ASAP3: variants seen among roughly 807,000 people sequenced by gnomAD.
ASAP3 encodes the protein ArfGAP with SH3 domain, ankyrin repeat and PH domain 3, also known as arf-GAP with SH3 domain, ANK repeat and PH domain-containing protein 3.
Under a neutral mutation model 118.2 loss-of-function variants are expected in ASAP3, and 85 were observed. That is an observed-to-expected ratio of 0.72 (90% CI 0.60 to 0.86). The LOEUF (loss-of-function observed/expected upper bound fraction) is 0.86. Ranked by LOEUF, ASAP3 falls within the 40% of genes least tolerant of loss-of-function variation. The probability of loss-of-function intolerance (pLI) is 0.00; values close to 1 mark genes in which losing one functional copy is unlikely to be tolerated. For missense variants in ASAP3, 1,026 were observed against 1,175.0 expected (o/e 0.87, Z 1.85); for synonymous variants, 432 against 477.4 (o/e 0.90, Z 1.24).
chr1:23,477,526 G>A (rs1254178538), intron 1 of ASAP3, among the ~76,000 whole-genome samples: 1 of 152,084 alleles, frequency 6.6e-6, no homozygotes, highest in East Asian at 1.9e-4. Flanking sequence ...GGGACATGAG[G>A]ATCTAGGCTA....
intron 1 of ASAP3, among the ~76,000 whole-genome samples, chr1:23,468,254 AC>A (rs1641840330): frequency 6.6e-6 from 1 of 152,228 alleles, no homozygotes; most frequent in Non-Finnish European, 1.5e-5. Flanking sequence ...CTAGCAGGAC[AC>A]TGTGAAGCCA....
At chr1:23,463,792 G>T (rs182174009) in intron 1 of ASAP3, among the ~76,000 whole-genome samples, 4 of 152,110 alleles carry the variant, frequency 2.6e-5, no homozygotes, top group African/African-American at 9.6e-5. Flanking sequence ...TAGAGACGGG[G>T]TTTCACCATG....
At chr1:23,457,863 G>A (rs1160943638) in intron 1 of ASAP3, among the ~76,000 whole-genome samples, 1 of 152,186 alleles carries the variant, frequency 6.6e-6, no homozygotes, top group Non-Finnish European at 1.5e-5. Context: ...TGTAAAATGG[G>A]GAAATCGATG....
chr1:23,436,542 C>G lies in ASAP3; in HGVS notation c.1571+18G>C. Reference sequence around the variant, plus strand: ...AATCCCCTAGGCAGGGTGCCCCTCTCTCTGAGAATCCCCTTACATGTCACT... The same window carrying G: ...AATCCCCTAGGCAGGGTGCCCCTCTGTCTGAGAATCCCCTTACATGTCACT... On this transcript the variant is annotated intron_variant, in intron 16 of 24. Coordinates refer to ENST00000336689, the MANE Select transcript of ASAP3 (RefSeq NM_017707.4). This position sits in a 1 kb window ranked among gnomAD's most constrained non-coding sequence, Gnocchi z 4.2. 6.2e-7 allele frequency: 1 copy of G among 1,611,174 alleles called. No homozygotes were observed. Among genetic ancestry groups the G allele is most frequent in the South Asian group, 1.1e-5 (1 of 91,078 alleles).
intron 7 of ASAP3, among the ~76,000 whole-genome samples, 190 bp from the exon 8 acceptor site, chr1:23,441,920 T>A (rs1450455217): frequency 6.6e-6 from 1 of 152,242 alleles, no homozygotes; most frequent in Non-Finnish European, 1.5e-5. Flanking sequence ...ACTAGCTATG[T>A]AATCTTGGAA....
At chr1:23,435,267 G>A (rs1462660779) in intron 17 of ASAP3, among the ~76,000 whole-genome samples, 2 of 152,196 alleles carry the variant, frequency 1.3e-5, no homozygotes, top group Non-Finnish European at 2.9e-5. Context: ...GGGCTCAAGT[G>A]ATCCTTTCAC....
At chr1:23,433,316 C>G (rs753516487) in intron 21 of ASAP3, 44 bp from the exon 22 acceptor site, 3 of 1,605,202 alleles carry the variant, frequency 1.9e-6, no homozygotes, top group Admixed American at 3.4e-5. Context: ...CTGGTTCCTC[C>G]GGTGTAGCCC....
chr1:23,433,305 C>T (rs574716129), intron 21 of ASAP3, 33 bp from the exon 22 acceptor site: 14 of 1,605,166 alleles, frequency 8.7e-6, no homozygotes, highest in Middle Eastern at 3.3e-4. Context: ...ATGAGGACAG[C>T]CTGGTTCCTC....
intron 1 of ASAP3, among the ~76,000 whole-genome samples, chr1:23,479,274 A>G (rs1642231583): frequency 1.0e-5 from 1 of 98,512 alleles, no homozygotes; most frequent in African/African-American, 2.5e-5. Context: ...AGATGTGCAG[A>G]GGGAAGCAGA....
chr1:23,429,820 G>C lies in ASAP3; in HGVS notation c.*36C>G, dbSNP rs1161450439. On this transcript the variant is annotated 3_prime_UTR_variant, in exon 25 of 25. Coordinates refer to ENST00000336689, the MANE Select transcript of ASAP3 (RefSeq NM_017707.4). ...GCTCAAGTCCCAGCTCTGAACATTG[G>C]GGCCTAGCATGGGGCATGTGGGGGC... 1.2e-6 allele frequency: 2 copies of C among 1,601,544 alleles called. No individual in the cohort carries two copies. Among genetic ancestry groups the C allele is most frequent in the Non-Finnish European group, 1.7e-6 (2 of 1,172,176 alleles).
At chr1:23,469,867 T>TG (rs1558178684) in intron 1 of ASAP3, among the ~76,000 whole-genome samples, 1 of 152,224 alleles carries the variant, frequency 6.6e-6, no homozygotes, top group African/African-American at 2.4e-5. Flanking sequence ...AGCCCTTTCT[T>TG]GCTATCACAC....
At chr1:23,466,824 T>C (rs1028028677) in intron 1 of ASAP3, among the ~76,000 whole-genome samples, 1 of 152,220 alleles carries the variant, frequency 6.6e-6, no homozygotes, top group Admixed American at 6.5e-5. Flanking sequence ...ATATAGTACA[T>C]AGTTATCACT....
intron 1 of ASAP3, among the ~76,000 whole-genome samples, chr1:23,470,742 GC>G (rs147564911): frequency 0.017 from 2,627 of 152,334 alleles, 78 homozygotes; most frequent in African/African-American, 0.059. Flanking sequence ...CCCAGCCTGG[GC>G]ACTTGTCCAG....
chr1:23,451,245 A>G (rs1641205391), intron 5 of ASAP3, among the ~76,000 whole-genome samples: 1 of 152,180 alleles, frequency 6.6e-6, no homozygotes, highest in Admixed American at 6.5e-5. Flanking sequence ...CACTGAGCAG[A>G]TGGGACTCTG....
chr1:23,480,618 C>T (rs373249364), intron 1 of ASAP3, among the ~76,000 whole-genome samples: 84 of 152,326 alleles, frequency 5.5e-4, no homozygotes, highest in African/African-American at 2.0e-3. Flanking sequence ...CAGGCTACTT[C>T]TCCCTAGTCA....
At chr1:23,477,916 C>T (rs1570418273) in intron 1 of ASAP3, among the ~76,000 whole-genome samples, 1 of 152,130 alleles carries the variant, frequency 6.6e-6, no homozygotes, top group East Asian at 1.9e-4. Context: ...TGGGCTTTGC[C>T]AGAAGACTGT....
intron 1 of ASAP3, among the ~76,000 whole-genome samples, chr1:23,457,209 C>G (rs554545134): frequency 6.6e-6 from 1 of 152,212 alleles, no homozygotes; most frequent in African/African-American, 2.4e-5. Context: ...CCGGGTGCAA[C>G]AGAACAGTGT....
chr1:23,459,563 A>G (rs1641500644), intron 1 of ASAP3, among the ~76,000 whole-genome samples: 1 of 152,234 alleles, frequency 6.6e-6, no homozygotes. Flanking sequence ...CTGGAAAGCT[A>G]GTTGACTGAC....
At chr1:23,477,119 C>T (rs1208841484) in intron 1 of ASAP3, among the ~76,000 whole-genome samples, 1 of 150,904 alleles carries the variant, frequency 6.6e-6, no homozygotes, top group Non-Finnish European at 1.5e-5. Context: ...CGGGTTCAAG[C>T]AATTCTCGTG....
Sources: allele counts gnomAD v4.1 joint callset (sites outside exome capture counted in the v4.1 genomes callset), GRCh38; gene constraint gnomAD v4.1.1; non-coding constraint Gnocchi (gnomAD v3.1); transcripts MANE v1.5; gene names NCBI Gene and HGNC (gene_info 2026-07-23, HGNC 2026-07-21).